MOGAT1: variants seen among roughly 807,000 people sequenced by gnomAD.
MOGAT1 encodes 2-acylglycerol O-acyltransferase 1.
Under a neutral mutation model 31.4 loss-of-function variants are expected in MOGAT1, and 32 were observed. The ratio of observed to expected loss-of-function variants is 1.02; its 90% CI spans 0.77 to 1.37. The LOEUF is 1.37. MOGAT1 is among the 40% of genes most tolerant of loss of function. MOGAT1 has a pLI of 0.00. For missense variants in MOGAT1, 426 were observed against 402.0 expected (o/e 1.06, Z -0.51); for synonymous variants, 145 against 144.5 (o/e 1.00, Z -0.03).
chr2:222,692,383 T>G (rs1692776242), intron 3 of MOGAT1, among the ~76,000 whole-genome samples: 1 of 152,230 alleles, frequency 6.6e-6, no homozygotes, highest in Non-Finnish European at 1.5e-5. Context: ...TAGCAGGTGC[T>G]CAATAAATGC....
intron 3 of MOGAT1, among the ~76,000 whole-genome samples, chr2:222,690,996 G>C (rs1011991875): frequency 6.6e-6 from 1 of 152,174 alleles, no homozygotes; most frequent in Non-Finnish European, 1.5e-5. Flanking sequence ...GTGAGTTTGA[G>C]TCGTATAGTT....
intron 1 of MOGAT1, 146 bp from the exon 2 acceptor site, chr2:222,688,198 T>C: frequency 3.6e-6 from 2 of 553,344 alleles, no homozygotes; most frequent in South Asian, 6.9e-5. Context: ...TAAATAATAC[T>C]GTGTCATTAC....
intron 1 of MOGAT1, among the ~76,000 whole-genome samples, chr2:222,684,388 G>A (rs1692630426): frequency 6.6e-6 from 1 of 151,760 alleles, no homozygotes; most frequent in African/African-American, 2.4e-5. Context: ...CCTGGGCAAT[G>A]GAGTGAGACT....
At chr2:222,675,543 G>A (rs905390900) in intron 1 of MOGAT1, among the ~76,000 whole-genome samples, 2 of 148,406 alleles carry the variant, frequency 1.3e-5, no homozygotes, top group South Asian at 2.1e-4. Flanking sequence ...GCAGTGGCGC[G>A]ATCTCGGCTC....
chr2:222,673,472 C>G (rs58064976), intron 1 of MOGAT1, among the ~76,000 whole-genome samples: 5,818 of 152,116 alleles, frequency 0.038, 178 homozygotes, highest in African/African-American at 0.079. Context: ...GTGCCAGGTG[C>G]TGTTCTAAGC....
Position 222,687,113 on chromosome 2 carries a change from CAAAAAAAAAAA to C in MOGAT1, c.95-1215_95-1205del, listed in dbSNP as rs1177781176. On this transcript the variant is annotated intron_variant, in intron 1 of 5. Coordinates refer to ENST00000446656, the MANE Select transcript of MOGAT1 (RefSeq NM_058165.3). ...TGGGCAACAGAGTGAGACTCCATCTCAAAAAAAAAAAAAAAAAAAAAAAAAAGAAAGAACAA... is the reference window on the plus strand; with the variant it reads ...TGGGCAACAGAGTGAGACTCCATCTCAAAAAAAAAAAAAAAGAAAGAACAA... Among the ~76,000 whole-genome samples, 102 of 22,454 alleles carry C rather than the reference CAAAAAAAAAAA, an allele frequency of 4.5e-3. 3 individuals are homozygous for C. In the South Asian group the frequency reaches 0.17, roughly 37 times the overall value. The allele number at this position is 22,454 out of a possible 152,430, so 14.7% of individuals were successfully genotyped here.
chr2:222,701,187 G>A (rs1435488325), intron 5 of MOGAT1, among the ~76,000 whole-genome samples: 1 of 152,058 alleles, frequency 6.6e-6, no homozygotes, highest in Non-Finnish European at 1.5e-5. Flanking sequence ...TTGAACCTGG[G>A]AGGTAGAGGT....
intron 3 of MOGAT1, among the ~76,000 whole-genome samples, chr2:222,690,704 GGTT>G (rs1324221493): frequency 2.0e-5 from 3 of 152,186 alleles, no homozygotes; most frequent in African/African-American, 7.2e-5. Flanking sequence ...TGAGTTTTCA[GGTT>G]GTTTTCAAAG....
chr2:222,676,635 G>T (rs970470849), intron 1 of MOGAT1, among the ~76,000 whole-genome samples: 40 of 152,130 alleles, frequency 2.6e-4, no homozygotes, highest in Non-Finnish European at 2.9e-5. Flanking sequence ...TATGACAGTT[G>T]CAGGTTTAAC....
intron 1 of MOGAT1, among the ~76,000 whole-genome samples, chr2:222,674,670 G>T (rs1278996422): frequency 6.6e-6 from 1 of 152,000 alleles, no homozygotes; most frequent in Non-Finnish European, 1.5e-5. Flanking sequence ...CACACATTAA[G>T]ATATTTTAAT....
rs114419027 is a variant in MOGAT1, at chr2:222,674,880, T to C, written c.94+3001T>C. Among the ~76,000 whole-genome samples, 770 of 152,282 alleles carry C rather than the reference T, an allele frequency of 5.1e-3. 3 individuals are homozygous for C. Among genetic ancestry groups the C allele is most frequent in the African/African-American group, 0.018 (737 of 41,562 alleles). ...GAAATGGGGCCTCCTTATGTTGCCC[T>C]GGCTGGTCTCAAACTCCCAGGCTCA... On this transcript the variant is annotated intron_variant, in intron 1 of 5. Coordinates refer to ENST00000446656, the MANE Select transcript of MOGAT1 (RefSeq NM_058165.3).
intron 1 of MOGAT1, among the ~76,000 whole-genome samples, chr2:222,681,622 A>G (rs1211846118): frequency 6.6e-6 from 1 of 152,046 alleles, no homozygotes; most frequent in Non-Finnish European, 1.5e-5. Flanking sequence ...CACTAACTCA[A>G]TTTCCAGCCC....
intron 1 of MOGAT1, among the ~76,000 whole-genome samples, chr2:222,686,026 G>C (rs1692660765): frequency 6.6e-6 from 1 of 152,158 alleles, no homozygotes; most frequent in African/African-American, 2.4e-5. Context: ...TTTTGGATCT[G>C]TTCCTGGCTC....
chr2:222,707,219 C>CAAGGAAGG (rs201300805), intron 5 of MOGAT1, among the ~76,000 whole-genome samples: 28 of 116,326 alleles, frequency 2.4e-4, no homozygotes, highest in African/African-American at 8.0e-4. Context: ...GAAAGAAAAA[C>CAAGGAAGG]AAGGAAGGAA....
chr2:222,678,495 C>T (rs1405685647), intron 1 of MOGAT1, among the ~76,000 whole-genome samples: 1 of 152,160 alleles, frequency 6.6e-6, no homozygotes, highest in East Asian at 1.9e-4. Flanking sequence ...CATTTATCAG[C>T]GATGAGCTTT....
intron 5 of MOGAT1, among the ~76,000 whole-genome samples, chr2:222,705,035 G>A (rs1692985447): frequency 6.6e-6 from 1 of 152,158 alleles, no homozygotes; most frequent in African/African-American, 2.4e-5. Flanking sequence ...CGTAAACAGA[G>A]CATGGTTATT....
At chr2:222,705,300 A>G (rs1474027231) in intron 5 of MOGAT1, among the ~76,000 whole-genome samples, 3 of 152,120 alleles carry the variant, frequency 2.0e-5, no homozygotes, top group Admixed American at 1.3e-4. Flanking sequence ...CCAACCTCCT[A>G]TCTCATCCTA....
At chr2:222,701,635 G>T (rs1008201716) in intron 5 of MOGAT1, among the ~76,000 whole-genome samples, 8 of 144,808 alleles carry the variant, frequency 5.5e-5, no homozygotes, top group East Asian at 2.0e-4. Flanking sequence ...AAGGACGTCG[G>T]GAAGGAAAGA....
In MOGAT1 at chr2:222,695,289, G is replaced by T; in HGVS notation, c.853+1G>T. 6.3e-7 allele frequency: 1 copy of T among 1,592,826 alleles called. No homozygotes were observed. Among genetic ancestry groups the T allele is most frequent in the Middle Eastern group, 1.7e-4 (1 of 5,970 alleles). ...TATAGGAAAGCCATCCACACTGTTGGTATGTACATAAAATAACTACAACTA... is the reference window on the plus strand; with the variant it reads ...TATAGGAAAGCCATCCACACTGTTGTTATGTACATAAAATAACTACAACTA... On this transcript the variant is annotated splice_donor_variant, in intron 5 of 5. Transcript: ENST00000446656. LOFTEE classifies it high-confidence loss of function.
Sources: allele counts gnomAD v4.1 joint callset (sites outside exome capture counted in the v4.1 genomes callset), GRCh38; gene constraint gnomAD v4.1.1; transcripts MANE v1.5; gene names NCBI Gene and HGNC (gene_info 2026-07-23, HGNC 2026-07-21).